The following SLC2A9 variants were observed in gnomAD, a reference collection of about 807,000 sequenced individuals.
SLC2A9 encodes the protein solute carrier family 2 member 9, also known as solute carrier family 2, facilitated glucose transporter member 9.
In SLC2A9, 39 loss-of-function variants were observed where a neutral mutation model predicts 50.6. The observed-to-expected ratio is 0.77, with a 90% CI of 0.60 to 1.01. SLC2A9 has a LOEUF of 1.01. Among genes scored for constraint, SLC2A9 ranks in the 50% least tolerant of loss-of-function variants. The pLI is 0.00. For synonymous variants in SLC2A9, 324 were observed against 276.9 expected (o/e 1.17, Z -1.69); for missense variants, 686 against 677.6 (o/e 1.01, Z -0.14).
chr4:9,810,281 A>G (rs574605805), intron 3 of SLC2A9, among the ~76,000 whole-genome samples: 7 of 151,874 alleles, frequency 4.6e-5, no homozygotes, highest in Admixed American at 4.6e-4. Flanking sequence ...ATGAGTGGTG[A>G]AGAGCCTCTT....
In SLC2A9 at chr4:9,985,730, C is replaced by A. The variant is rs559926779; in HGVS notation, c.474G>T (p.Ser158=). ...AISAALLMAC[S]LQAGAFEMLI... The stretch of plus-strand genomic sequence containing the variant: ...GCATTTCAAAGGCTCCTGCCTGGAG[C>A]GAGCAGGCCATCAGCAATGCAGCAG... Residue 158 remains serine (S), a synonymous_variant, in exon 4 of 12, where the codon TCG becomes TCT. Coordinates refer to ENST00000264784, the MANE Select transcript of SLC2A9 (RefSeq NM_020041.3). The A allele has an allele frequency of 6.2e-7, 1 of 1,614,036 alleles. No individual in the cohort carries two copies. The highest frequency in any genetic ancestry group is 8.5e-7 in the Non-Finnish European group (1 of 1,179,874).
At chr4:9,939,339 T>C (rs1020384614) in intron 6 of SLC2A9, among the ~76,000 whole-genome samples, 1 of 152,310 alleles carries the variant, frequency 6.6e-6, no homozygotes, top group Admixed American at 6.5e-5. Flanking sequence ...GGGCATGCTA[T>C]TATCTAAAGC....
chr4:9,868,221 G>A (rs1218188075), intron 10 of SLC2A9, among the ~76,000 whole-genome samples: 10 of 152,210 alleles, frequency 6.6e-5, no homozygotes, highest in South Asian at 4.1e-4. Context: ...TTACCAGAGC[G>A]CCACTCATCT....
chr4:9,895,981 T>C (rs527735938), intron 8 of SLC2A9, among the ~76,000 whole-genome samples: 2 of 152,352 alleles, frequency 1.3e-5, no homozygotes, highest in African/African-American at 4.8e-5. Flanking sequence ...CAGTATTCCA[T>C]TGCATGGATA....
chr4:9,991,845 C>T (rs1180596027), intron 3 of SLC2A9, among the ~76,000 whole-genome samples: 2 of 152,174 alleles, frequency 1.3e-5, no homozygotes, highest in African/African-American at 2.4e-5. Context: ...GCCTTCCAGC[C>T]TCCAGAACTG....
chr4:9,815,283 C>T (rs1560145129), intron 3 of SLC2A9, among the ~76,000 whole-genome samples: 1 of 152,232 alleles, frequency 6.6e-6, no homozygotes, highest in Non-Finnish European at 1.5e-5. Context: ...ACCTGCGCCC[C>T]ACAGATACAA....
At chr4:9,780,640 G>A (rs1032127422) in intron 3 of SLC2A9, among the ~76,000 whole-genome samples, 7 of 152,206 alleles carry the variant, frequency 4.6e-5, no homozygotes, top group Non-Finnish European at 1.0e-4. Flanking sequence ...CTATGCAGCT[G>A]GCTGCTGTCA....
chr4:9,838,322 T>C (rs1318767646), intron 10 of SLC2A9, among the ~76,000 whole-genome samples: 1 of 152,152 alleles, frequency 6.6e-6, no homozygotes, highest in Non-Finnish European at 1.5e-5. Flanking sequence ...ACAAGGTCTC[T>C]ACAAGGAGAA....
intron 1 of SLC2A9, among the ~76,000 whole-genome samples, chr4:9,772,745 C>T (rs890128074): frequency 1.3e-5 from 2 of 152,074 alleles, no homozygotes; most frequent in African/African-American, 4.8e-5. Context: ...GGGACTTGCA[C>T]TTTTGTAAGT....
intron 10 of SLC2A9, among the ~76,000 whole-genome samples, chr4:9,854,897 G>A (rs535099084): frequency 1.3e-5 from 2 of 152,172 alleles, no homozygotes; most frequent in East Asian, 3.9e-4. Context: ...AAACGGCTCT[G>A]ATAAAACTAA....
intron 2 of SLC2A9, among the ~76,000 whole-genome samples, chr4:10,015,428 T>C (rs1762460782): frequency 6.6e-6 from 1 of 152,162 alleles, no homozygotes; most frequent in South Asian, 2.1e-4. Context: ...TGAGCTTCTG[T>C]TTCTTTGTTC....
intron 10 of SLC2A9, among the ~76,000 whole-genome samples, chr4:9,876,097 A>G (rs965566322): frequency 1.3e-5 from 2 of 152,192 alleles, no homozygotes; most frequent in Admixed American, 6.5e-5. Context: ...AAATATCACA[A>G]TGGTTTGCAG....
At chr4:10,023,705 G>A (rs1763661568), upstream of SLC2A9, among the ~76,000 whole-genome samples, 1 of 152,196 alleles carries the variant, frequency 6.6e-6, no homozygotes, top group East Asian at 1.9e-4. Context: ...CCTACTACAT[G>A]TGCACAGCTC....
At chr4:9,804,741 G>A (rs769027180) in intron 3 of SLC2A9, among the ~76,000 whole-genome samples, 3 of 152,180 alleles carry the variant, frequency 2.0e-5, no homozygotes, top group Non-Finnish European at 2.9e-5. Context: ...GCAGCAGGAC[G>A]GACAGGAGAG....
chr4:9,992,367 T>C (rs1757858134), intron 3 of SLC2A9, among the ~76,000 whole-genome samples: 1 of 152,216 alleles, frequency 6.6e-6, no homozygotes, highest in African/African-American at 2.4e-5. Flanking sequence ...ACTGGAAAAT[T>C]CTTTGCTGTG....
chr4:9,778,051 TC>T (rs1560270668), downstream of SLC2A9, among the ~76,000 whole-genome samples: 2 of 3,624 alleles, frequency 5.5e-4, no homozygotes, highest in Non-Finnish European at 2.0e-3. Context: ...TTTCTTTCTT[TC>T]TTTCCTTCCT....
chr4:10,031,584 G>A (rs564396016), intron 1 of SLC2A9, among the ~76,000 whole-genome samples: 3 of 152,226 alleles, frequency 2.0e-5, no homozygotes, highest in African/African-American at 7.2e-5. Context: ...AATGGGCACA[G>A]TAGGATGCTA....
At chr4:9,849,137 A>G (rs1729467115) in intron 10 of SLC2A9, among the ~76,000 whole-genome samples, 1 of 152,172 alleles carries the variant, frequency 6.6e-6, no homozygotes, top group South Asian at 2.1e-4. Flanking sequence ...TAGGGTGTCT[A>G]GGAGGCCATG....
chr4:9,870,884 A>G (rs947854895), intron 10 of SLC2A9, among the ~76,000 whole-genome samples: 2 of 152,140 alleles, frequency 1.3e-5, no homozygotes, highest in African/African-American at 4.8e-5. Flanking sequence ...GAGTGTGGCC[A>G]AGTATCTAGC....
Sources: allele counts gnomAD v4.1 joint callset (sites outside exome capture counted in the v4.1 genomes callset), GRCh38; gene constraint gnomAD v4.1.1; transcripts MANE v1.5; gene names NCBI Gene and HGNC (gene_info 2026-07-23, HGNC 2026-07-21).